Variants in CAB39L observed in about 807,000 individuals in gnomAD.
The protein encoded by CAB39L is calcium binding protein 39 like.
A neutral mutation model predicts 39.1 loss-of-function variants in CAB39L; 23 were observed. The ratio of observed to expected loss-of-function variants is 0.59; its 90% CI spans 0.42 to 0.83. The LOEUF is 0.83. Among genes scored for constraint, CAB39L ranks in the 40% least tolerant of loss-of-function variants. CAB39L has a pLI of 0.00. For missense variants in CAB39L, 366 were observed against 391.9 expected (o/e 0.93, Z 0.56); for synonymous variants, 126 against 137.2 (o/e 0.92, Z 0.57).
chr13:49,315,895 A>G (rs1462585702), intron 10 of CAB39L, among the ~76,000 whole-genome samples: 2 of 151,386 alleles, frequency 1.3e-5, no homozygotes, highest in South Asian at 2.1e-4. Context: ...AAAAAAAAAA[A>G]AAAAGAAAAG....
chr13:49,377,057 T>C lies in CAB39L; in HGVS notation c.186A>G (p.Pro62=), dbSNP rs8002858. Residue 62 remains proline, a synonymous_variant, in exon 5 of 11, where the codon CCA becomes CCG. Transcript: ENST00000409308. ...ILCGTNEKEP[P]TEAVAQLAQE... Reference sequence around the variant, plus strand: ...GTGCTAGCTGAGCCACTGCTTCTGTTGGGGGTTCTTTCTCGTTTGTACCAC... The same window carrying C: ...GTGCTAGCTGAGCCACTGCTTCTGTCGGGGGTTCTTTCTCGTTTGTACCAC... The C allele has an allele frequency of 0.51, 813,756 of 1,607,348 alleles. 213,684 individuals are homozygous for C. Among genetic ancestry groups the C allele is most frequent in the African/African-American group, 0.73 (54,733 of 74,820 alleles).
chr13:49,414,029 G>A (rs371437598), intron 3 of CAB39L: 4 of 152,038 alleles, frequency 2.6e-5, no homozygotes, highest in South Asian at 2.1e-4. Context: ...TTTAACAACC[G>A]TCTCCAAATA....
At chr13:49,333,858 C>T (rs1954779997) in intron 9 of CAB39L, among the ~76,000 whole-genome samples, 1 of 152,040 alleles carries the variant, frequency 6.6e-6, no homozygotes, top group Non-Finnish European at 1.5e-5. Flanking sequence ...AGGTGTGAGC[C>T]ACCACACCCG....
chr13:49,398,276 T>A (rs191072943), intron 3 of CAB39L, among the ~76,000 whole-genome samples: 2 of 152,220 alleles, frequency 1.3e-5, no homozygotes, highest in Admixed American at 1.3e-4. Context: ...GCAGTAAAGA[T>A]CTCTGTTTAA....
At chr13:49,376,546 A>G (rs572416114) in intron 5 of CAB39L, among the ~76,000 whole-genome samples, 1 of 152,318 alleles carries the variant, frequency 6.6e-6, no homozygotes. Context: ...CTGAATTTGA[A>G]GCTCTGAAGT....
At chr13:49,385,277 G>C (rs1205858612) in intron 3 of CAB39L, among the ~76,000 whole-genome samples, 1 of 152,168 alleles carries the variant, frequency 6.6e-6, no homozygotes, top group Non-Finnish European at 1.5e-5. Flanking sequence ...TTTAGCTTCA[G>C]ACTTTTCTTC....
chr13:49,410,689 T>A (rs942026692), intron 3 of CAB39L, among the ~76,000 whole-genome samples: 11 of 152,250 alleles, frequency 7.2e-5, no homozygotes, highest in African/African-American at 2.4e-4. Flanking sequence ...TACAGAGTTA[T>A]AATGCTTTTT....
At chr13:49,355,629 T>A (rs1942248471) in intron 6 of CAB39L, among the ~76,000 whole-genome samples, 1 of 152,032 alleles carries the variant, frequency 6.6e-6, no homozygotes, top group Non-Finnish European at 1.5e-5. Context: ...TGTTAAGAGA[T>A]ATCACCTAGA....
chr13:49,434,409 TGTCAGCAAA>T (rs1957375968), intron 1 of CAB39L, among the ~76,000 whole-genome samples, 186 bp from the exon 2 acceptor site: 1 of 152,226 alleles, frequency 6.6e-6, no homozygotes, highest in Non-Finnish European at 1.5e-5. Context: ...ATATATATAG[TGTCAGCAAA>T]GTGTCTACCA....
At chr13:49,399,211 C>G (rs533018926) in intron 3 of CAB39L, among the ~76,000 whole-genome samples, 5 of 152,182 alleles carry the variant, frequency 3.3e-5, no homozygotes, top group African/African-American at 1.2e-4. Flanking sequence ...CTGGGCTAGA[C>G]CCTTAGGAAT....
intron 5 of CAB39L, among the ~76,000 whole-genome samples, chr13:49,365,058 A>G (rs901759425): frequency 6.6e-6 from 1 of 152,154 alleles, no homozygotes; most frequent in African/African-American, 2.4e-5. Context: ...CTACAGAGCT[A>G]TATAGTAACC....
intron 10 of CAB39L, among the ~76,000 whole-genome samples, chr13:49,314,676 CA>C (rs1360299957): frequency 2.0e-5 from 3 of 152,180 alleles, no homozygotes; most frequent in African/African-American, 7.2e-5. Context: ...GTATGGTTAA[CA>C]GCGCAGATTC....
chr13:49,330,431 C>G (rs1450672720), intron 10 of CAB39L, among the ~76,000 whole-genome samples: 1 of 151,986 alleles, frequency 6.6e-6, no homozygotes, highest in Non-Finnish European at 1.5e-5. Context: ...TTGAGACCAG[C>G]CTGGGCAACA....
chr13:49,424,833 G>A (rs1200354014), intron 3 of CAB39L, among the ~76,000 whole-genome samples: 1 of 152,118 alleles, frequency 6.6e-6, no homozygotes, highest in Non-Finnish European at 1.5e-5. Flanking sequence ...AGTATATGGA[G>A]ATTTGCTCCT....
At chr13:49,316,017 A>G (rs1465367680) in intron 10 of CAB39L, among the ~76,000 whole-genome samples, 1 of 152,146 alleles carries the variant, frequency 6.6e-6, no homozygotes, top group Non-Finnish European at 1.5e-5. Flanking sequence ...TAAAACTTAG[A>G]GCAGAGATAA....
chr13:49,439,777 T>C (rs953700832), intron 1 of CAB39L, among the ~76,000 whole-genome samples: 1 of 152,226 alleles, frequency 6.6e-6, no homozygotes, highest in Non-Finnish European at 1.5e-5. Context: ...AGAGCCATTC[T>C]GACTGGCGTG....
chr13:49,382,373 T>G (rs1956268322), intron 4 of CAB39L: 1 of 152,714 alleles, frequency 6.5e-6, no homozygotes, highest in Non-Finnish European at 1.5e-5. Context: ...ATCGAATATA[T>G]AGGATTCAAT....
At position 49,361,193 on chromosome 13, in the gene CAB39L, A is replaced by C. The variant is rs114051747; in HGVS notation, c.277-1361T>G. 5.3e-4 allele frequency among the ~76,000 whole-genome samples: 80 copies of C among 152,264 alleles called. 1 individual carries two copies. Among genetic ancestry groups the C allele is most frequent in the African/African-American group, 1.8e-3 (76 of 41,548 alleles). On this transcript the variant is annotated intron_variant, in intron 5 of 10. Coordinates refer to ENST00000409308, the MANE Select transcript of CAB39L (RefSeq NM_001079670.3). ...TTTTGCTTAGAAAAAAGTCCAATAC[A>C]AAAAGGCCAGGCGCAGTGGCTCACG...
At chr13:49,431,229 C>T (rs1472492388) in intron 3 of CAB39L, among the ~76,000 whole-genome samples, 1 of 152,072 alleles carries the variant, frequency 6.6e-6, no homozygotes, top group African/African-American at 2.4e-5. Context: ...TTTTTCAGAA[C>T]TTTTAATAAG....
Sources: allele counts gnomAD v4.1 joint callset (sites outside exome capture counted in the v4.1 genomes callset), GRCh38; gene constraint gnomAD v4.1.1; transcripts MANE v1.5; gene names NCBI Gene and HGNC (gene_info 2026-07-23, HGNC 2026-07-21).